The following ZNF292 variants were observed in gnomAD, a reference collection of about 807,000 sequenced individuals.
ZNF292 encodes the protein 16 zinc-finger domain protein.
ZNF292 carries 26 observed loss-of-function variants against 217.9 expected under a neutral mutation model. That is an observed-to-expected ratio of 0.12 (90% CI 0.09 to 0.17). The LOEUF (loss-of-function observed/expected upper bound fraction) is 0.17, where lower values mean the gene tolerates loss of function less well. ZNF292 is among the 10% of genes least tolerant of loss of function. ZNF292 has a pLI of 1.00. For missense variants in ZNF292, 2,904 were observed against 3,175.2 expected, an observed-to-expected ratio of 0.91 and a Z score of 2.05; for synonymous variants, 1,257 against 1,124.1, an observed-to-expected ratio of 1.12 and a Z score of -2.37.
At chr6:87,250,655 A>G (rs374954132) in intron 7 of ZNF292, among the ~76,000 whole-genome samples, 2 of 152,232 alleles carry the variant, frequency 1.3e-5, no homozygotes, top group African/African-American at 4.8e-5. Context: ...AAGGGACTTG[A>G]GCATTGTGGA....
At chr6:87,253,316 C>A (rs1775032886) in intron 7 of ZNF292, among the ~76,000 whole-genome samples, 1 of 150,656 alleles carries the variant, frequency 6.6e-6, no homozygotes, top group Non-Finnish European at 1.5e-5. Flanking sequence ...GCAGCCTCAG[C>A]CTTCCAGGTT....
intron 1 of ZNF292, among the ~76,000 whole-genome samples, chr6:87,189,636 T>G (rs937740092): frequency 6.6e-6 from 1 of 152,194 alleles, no homozygotes; most frequent in Non-Finnish European, 1.5e-5. Context: ...GATTATGTTT[T>G]TTTTTTACAG....
chr6:87,243,172 A>G (rs1307004448), intron 5 of ZNF292, among the ~76,000 whole-genome samples: 1 of 151,966 alleles, frequency 6.6e-6, no homozygotes, highest in Non-Finnish European at 1.5e-5. Context: ...TATAGTTATC[A>G]TCAGTTAGTT....
At chr6:87,237,665 A>G (rs73485815) in intron 5 of ZNF292, among the ~76,000 whole-genome samples, 12,459 of 152,336 alleles carry the variant, frequency 0.082, 867 homozygotes, top group African/African-American at 0.19. Flanking sequence ...ATTTTAAAAC[A>G]TACAAATTAT....
chr6:87,247,234 A>G (rs1774641331), intron 7 of ZNF292, among the ~76,000 whole-genome samples: 1 of 150,782 alleles, frequency 6.6e-6, no homozygotes, highest in Non-Finnish European at 1.5e-5. Flanking sequence ...TAGATCTGAA[A>G]CAACCACCCC....
chr6:87,236,838 T>C (rs73754145), intron 5 of ZNF292, among the ~76,000 whole-genome samples: 1,683 of 152,348 alleles, frequency 0.011, 36 homozygotes, highest in African/African-American at 0.037. Context: ...ATCAACCTTA[T>C]TCTTTCTCAT....
In ZNF292 at chr6:87,255,941, G is replaced by A. The variant is rs1775186548; in HGVS notation, c.2312G>A (p.Arg771Gln). ...FNSYAELLTH[R>Q]KEHQVFRAKC... ...AGTTACGCCGAGCTTTTAACCCACC[G>A]AAAGGAGCATCAAGTCTTTAGAGCA... The change falls in exon 8 of 8, where the codon CGA becomes CAA. Residue 771 changes from arginine to glutamine, a missense_variant. Physicochemically the swap from Arg to Gln is conservative, Grantham distance 43. Around this residue, in one of 15 missense-constraint regions of ZNF292, gnomAD observed 216 missense variants for 308.3 expected, o/e 0.70. Transcript: ENST00000369577. 5 of 1,613,068 alleles carry A rather than the reference G, an allele frequency of 3.1e-6. No individual in the cohort carries two copies. The highest frequency in any genetic ancestry group is 2.2e-5 in the East Asian group (1 of 44,856).
Position 87,245,653 on chromosome 6 carries a change from A to T in ZNF292, c.1020+9A>T. The T allele has an allele frequency of 1.4e-6, 2 of 1,426,212 alleles. No homozygotes were observed. The highest frequency in any genetic ancestry group is 1.4e-5 in the African/African-American group (1 of 69,606). 88.3% of individuals were successfully genotyped at this position (1,426,212 alleles called of 1,614,324 possible). On this transcript the variant is annotated intron_variant, in intron 7 of 7. Transcript: ENST00000369577. ...AAGTTATTAATTCAGAGGTAAGAATAATCAGAATATTTTTAAGGTTAAAAT... is the reference window on the plus strand; with the variant it reads ...AAGTTATTAATTCAGAGGTAAGAATTATCAGAATATTTTTAAGGTTAAAAT...
At chr6:87,211,849 A>T (rs762566011) in intron 1 of ZNF292, among the ~76,000 whole-genome samples, 1 of 151,990 alleles carries the variant, frequency 6.6e-6, no homozygotes, top group South Asian at 2.1e-4. Flanking sequence ...TCTCCCCCCA[A>T]CTCATCTTCA....
chr6:87,181,523 G>A (rs889478458), intron 1 of ZNF292, among the ~76,000 whole-genome samples: 13 of 152,100 alleles, frequency 8.5e-5, no homozygotes, highest in South Asian at 2.1e-4. Context: ...CTTTTTGGGC[G>A]CAAAAACAGG....
At position 87,258,145 on chromosome 6, in the gene ZNF292, G is replaced by T. The variant is rs1412456143; in HGVS notation, c.4516G>T (p.Ala1506Ser). ...TGGCATTCCCAGTACATTTGAGGGTGCCGAAATGCTTTCTCATGTTTCAAC... is the reference window on the plus strand; with the variant it reads ...TGGCATTCCCAGTACATTTGAGGGTTCCGAAATGCTTTCTCATGTTTCAAC... ...TAGIPSTFEG[A>S]EMLSHVSTGC... The change falls in exon 8 of 8, where the codon GCC becomes TCC. Residue 1506 changes from alanine (A) to serine (S), a missense_variant. Transcript: ENST00000369577. 1 of 1,611,938 alleles carries T rather than the reference G, an allele frequency of 6.2e-7. No homozygotes were observed. Among genetic ancestry groups the T allele is most frequent in the South Asian group, 1.1e-5 (1 of 90,768 alleles).
intron 1 of ZNF292, among the ~76,000 whole-genome samples, chr6:87,167,380 C>T (rs886479035): frequency 2.6e-5 from 4 of 152,220 alleles, no homozygotes; most frequent in African/African-American, 9.7e-5. Flanking sequence ...GTGGCTCATG[C>T]CTGTAATCTC....
rs1276837634 is a variant in ZNF292, at chr6:87,265,343, C to T, written c.*3542C>T. ...TTCCATCTCCCAGGTTCAAGTGATT[C>T]TCCTACCTCAGCCACCCAAGTAGGT... On this transcript the variant is annotated 3_prime_UTR_variant, in exon 8 of 8. Transcript: ENST00000369577. 2.0e-5 allele frequency among the ~76,000 whole-genome samples: 3 copies of T among 152,106 alleles called. No homozygotes were observed. The highest frequency in any genetic ancestry group is 4.8e-5 in the African/African-American group (2 of 41,418).
intron 5 of ZNF292, among the ~76,000 whole-genome samples, chr6:87,242,040 A>G (rs1430389760): frequency 1.3e-5 from 2 of 152,256 alleles, no homozygotes; most frequent in Non-Finnish European, 2.9e-5. Flanking sequence ...AATGTTAGTG[A>G]TAATACCTAC....
chr6:87,218,502 G>A (rs1772900004), intron 3 of ZNF292, 94 bp from the exon 4 acceptor site: 3 of 1,010,746 alleles, frequency 3.0e-6, no homozygotes, highest in Non-Finnish European at 4.1e-6. Flanking sequence ...TAAGATGAAA[G>A]TCTTTTCAGA....
rs1770501549 is a variant in ZNF292, at chr6:87,155,678, C to T, written c.87C>T (p.Leu29=). The change falls in exon 1 of 8, where the codon CTC becomes CTT. Residue 29 remains leucine (L), a synonymous_variant. Transcript: ENST00000369577. ...VAELQRLGER[L]QELELQLRES... is the part of the protein sequence containing the mutation. ...AGCTGCAGCGCCTGGGCGAGCGGCT[C>T]CAGGAGCTGGAGCTACAGCTGCGGG... 1.3e-6 allele frequency: 2 copies of T among 1,588,966 alleles called. No homozygotes were observed. Among genetic ancestry groups the T allele is most frequent in the African/African-American group, 1.3e-5 (1 of 74,518 alleles).
Position 87,257,728 on chromosome 6 carries a change from C to T in ZNF292, c.4099C>T (p.Pro1367Ser). The T allele has an allele frequency of 6.2e-7, 1 of 1,613,544 alleles. No homozygotes were observed. The highest frequency in any genetic ancestry group is 8.5e-7 in the Non-Finnish European group (1 of 1,179,708). Residue 1367 changes from proline to serine, a missense_variant, in exon 8 of 8, where the codon CCT becomes TCT. This residue lies in a region of ZNF292 where 23 missense variants were observed against 51.3 expected (regional missense o/e 0.45). Transcript: ENST00000369577. ...KPKHNKRAKW[P>S]AIIRDGKFIC... Reference sequence around the variant, plus strand: ...TAAGCACAACAAAAGGGCTAAATGGCCTGCAATTATCAGAGATGGGAAATT... The same window carrying T: ...TAAGCACAACAAAAGGGCTAAATGGTCTGCAATTATCAGAGATGGGAAATT...
At chr6:87,206,772 C>T (rs894472554) in intron 1 of ZNF292, among the ~76,000 whole-genome samples, 6 of 152,106 alleles carry the variant, frequency 3.9e-5, no homozygotes, top group African/African-American at 1.2e-4. Flanking sequence ...TTAAAGATCA[C>T]GGGGCTTACC....
rs750598913 is a variant in ZNF292 at position 87,155,642 on chromosome 6, C to T, written c.51C>T (p.Gly17=). The change falls in exon 1 of 8, where the codon GGC becomes GGT. Residue 17 remains glycine (G), a synonymous_variant. Transcript: ENST00000369577. ...AGAGGTTGAGTTGCGGCGAAGGCGGCTGCGTCGCGGAGCTGCAGCGCCTGG... is the reference window on the plus strand; with the variant it reads ...AGAGGTTGAGTTGCGGCGAAGGCGGTTGCGTCGCGGAGCTGCAGCGCCTGG... The part of the protein sequence containing the change: ...EQERLSCGEG[G]CVAELQRLGE... 9.5e-6 allele frequency: 15 copies of T among 1,580,598 alleles called. No individual in the cohort carries two copies. The highest frequency in any genetic ancestry group is 1.9e-4 in the Middle Eastern group (1 of 5,146).
Sources: allele counts gnomAD v4.1 joint callset (sites outside exome capture counted in the v4.1 genomes callset), GRCh38; gene constraint gnomAD v4.1.1; regional missense constraint gnomAD v4.1.1; transcripts MANE v1.5; gene names NCBI Gene and HGNC (gene_info 2026-07-23, HGNC 2026-07-21).